Variants in TMEFF1 observed in about 807,000 individuals in gnomAD.
The protein encoded by TMEFF1 is transmembrane protein with EGF like and two follistatin like domains 1, also known as tomoregulin-1.
Under a neutral mutation model 47.5 loss-of-function variants are expected in TMEFF1, and 20 were observed. That is an observed-to-expected ratio of 0.42 (90% CI 0.30 to 0.61). The LOEUF (loss-of-function observed/expected upper bound fraction) is 0.61. Ranked by LOEUF, TMEFF1 falls within the 20% of genes least tolerant of loss-of-function variation. The pLI, the probability that TMEFF1 is intolerant of heterozygous loss-of-function variation, is 0.19. For synonymous variants in TMEFF1, 162 were observed against 166.3 expected (o/e 0.97, Z 0.20); for missense variants, 411 against 471.1 (o/e 0.87, Z 1.18).
intron 1 of TMEFF1, among the ~76,000 whole-genome samples, chr9:100,496,346 C>T (rs989672493): frequency 3.9e-5 from 6 of 152,146 alleles, no homozygotes; most frequent in African/African-American, 1.2e-4. Context: ...TTCAAGTGAT[C>T]CTCCCACCTC....
At chr9:100,537,370 A>G (rs1188582957) in intron 5 of TMEFF1, among the ~76,000 whole-genome samples, 4 of 152,230 alleles carry the variant, frequency 2.6e-5, no homozygotes, top group Admixed American at 2.0e-4. Context: ...GAAAACTTAT[A>G]TTCAATATAA....
At chr9:100,516,402 A>T (rs1413235152) in intron 4 of TMEFF1, among the ~76,000 whole-genome samples, 3 of 152,202 alleles carry the variant, frequency 2.0e-5, no homozygotes, top group Admixed American at 2.0e-4. Flanking sequence ...TTTCTTAAAA[A>T]AGCAATTCAT....
intron 8 of TMEFF1, among the ~76,000 whole-genome samples, chr9:100,565,190 C>G (rs1006555809): frequency 2.6e-5 from 4 of 152,148 alleles, no homozygotes; most frequent in Non-Finnish European, 5.9e-5. Context: ...ATCATTCCCT[C>G]TCTAGCATAT....
intron 5 of TMEFF1, among the ~76,000 whole-genome samples, chr9:100,524,738 A>T (rs181757687): frequency 7.5e-4 from 114 of 152,252 alleles, no homozygotes; most frequent in African/African-American, 2.5e-3. Context: ...GAACTTCATT[A>T]TCTTCATTTA....
chr9:100,491,585 GA>G (rs1837553375), intron 1 of TMEFF1, among the ~76,000 whole-genome samples: 1 of 152,182 alleles, frequency 6.6e-6, no homozygotes, highest in South Asian at 2.1e-4. Flanking sequence ...ATATGGTTGG[GA>G]AAACCAGGTT....
In TMEFF1 at chr9:100,516,683, G is replaced by A; in HGVS notation, c.472G>A (p.Gly158Arg). The A allele has an allele frequency of 1.2e-6, 2 of 1,612,278 alleles. No homozygotes were observed. The highest frequency in any genetic ancestry group is 1.7e-6 in the Non-Finnish European group (2 of 1,179,436). ...GSGSGEGEEE[G>R]SGAEVHRKHS... is the part of the protein sequence containing the mutation. ...TTTTTCTTTTTAAACAGAAGAGGAA[G>A]GGTCAGGGGCAGAAGTTCACAGAAA... The change falls in exon 5 of 10, where the codon GGG becomes AGG. Residue 158 changes from glycine to arginine, a missense_variant. Gly to Arg is a moderately radical substitution (Grantham distance 125). Transcript: ENST00000374879.
chr9:100,496,572 A>C (rs1426629855), intron 1 of TMEFF1, among the ~76,000 whole-genome samples: 1 of 152,192 alleles, frequency 6.6e-6, no homozygotes, highest in Non-Finnish European at 1.5e-5. Context: ...TCACATTAGC[A>C]GGGATGATTA....
chr9:100,533,125 T>C (rs1408211109), intron 5 of TMEFF1, among the ~76,000 whole-genome samples: 2 of 148,592 alleles, frequency 1.3e-5, no homozygotes, highest in Admixed American at 6.7e-5. Flanking sequence ...CATTGGGAGA[T>C]ATACCTAATG....
intron 7 of TMEFF1, 86 bp from the exon 8 acceptor site, chr9:100,561,311 T>A: frequency 6.5e-7 from 1 of 1,539,112 alleles, no homozygotes; most frequent in Non-Finnish European, 8.7e-7. Context: ...GTGGGTGAAT[T>A]CATTTGCTGT....
At chr9:100,563,794 T>TG (rs1839068117) in intron 8 of TMEFF1, among the ~76,000 whole-genome samples, 1 of 152,204 alleles carries the variant, frequency 6.6e-6, no homozygotes, top group African/African-American at 2.4e-5. Flanking sequence ...ACTCAGTAAA[T>TG]ATTTTTTGAA....
intron 2 of TMEFF1, among the ~76,000 whole-genome samples, chr9:100,505,410 CAAAAAAAAAAAAAA>C (rs60312984): frequency 1.5e-4 from 4 of 26,444 alleles, no homozygotes; most frequent in South Asian, 3.4e-3. Context: ...GACCCTGTCT[CAAAAAAAAAAAAAA>C]AAAAAAAAAA....
In TMEFF1 at chr9:100,556,593, A is replaced by T. The variant is rs117889374; in HGVS notation, c.776-4804A>T. Among the ~76,000 whole-genome samples, 5 of 152,294 alleles carry T rather than the reference A, an allele frequency of 3.3e-5. No homozygotes were observed. In the East Asian group the frequency reaches 9.6e-4, roughly 29 times the overall value. Reference sequence around the variant, plus strand: ...TTTCATTCAACATAAAGAAAATCTGATGGTATTAGAATAAACTGTATTATG... The same window carrying T: ...TTTCATTCAACATAAAGAAAATCTGTTGGTATTAGAATAAACTGTATTATG... On this transcript the variant is annotated intron_variant, in intron 7 of 9. Coordinates refer to ENST00000374879, the MANE Select transcript of TMEFF1 (RefSeq NM_003692.5).
chr9:100,483,740 G>A lies in TMEFF1; in HGVS notation c.196+10000G>A, dbSNP rs141344769. 1.8e-3 allele frequency among the ~76,000 whole-genome samples: 280 copies of A among 151,568 alleles called. 2 individuals carry two copies. Among genetic ancestry groups the A allele is most frequent in the African/African-American group, 6.4e-3 (265 of 41,332 alleles). On this transcript the variant is annotated intron_variant, in intron 1 of 9. Coordinates refer to ENST00000374879, the MANE Select transcript of TMEFF1 (RefSeq NM_003692.5). ...TAAGATTTTACCACATTTGCTTTAA[G>A]TCTCTCTTTGTGTATCTACTCTTTC... is the stretch of plus-strand genomic sequence containing the variant.
chr9:100,557,772 T>C (rs1468120563), intron 7 of TMEFF1, among the ~76,000 whole-genome samples: 1 of 152,038 alleles, frequency 6.6e-6, no homozygotes, highest in African/African-American at 2.4e-5. Flanking sequence ...GCTTTTCATG[T>C]GTATATGCTG....
intron 9 of TMEFF1, 64 bp downstream of exon 9, chr9:100,572,740 G>A (rs1839271384): frequency 6.6e-7 from 1 of 1,510,100 alleles, no homozygotes; most frequent in Non-Finnish European, 8.9e-7. Flanking sequence ...ATTTATAGAT[G>A]CTTTGAGGCC....
chr9:100,574,629 G>C (rs1462793973), intron 9 of TMEFF1, among the ~76,000 whole-genome samples: 4 of 151,874 alleles, frequency 2.6e-5, no homozygotes, highest in Non-Finnish European at 4.4e-5. Flanking sequence ...CACCTGCCTC[G>C]GTCTCGCAAA....
chr9:100,541,866 A>G (rs1838639918), intron 5 of TMEFF1, among the ~76,000 whole-genome samples: 2 of 152,098 alleles, frequency 1.3e-5, no homozygotes, highest in African/African-American at 2.4e-5. Flanking sequence ...TAACCATACG[A>G]GGTTTCTTCT....
intron 5 of TMEFF1, among the ~76,000 whole-genome samples, chr9:100,520,417 G>T (rs898678176): frequency 1.3e-5 from 2 of 152,130 alleles, no homozygotes; most frequent in Non-Finnish European, 2.9e-5. Flanking sequence ...TATCTGATTT[G>T]CAAAGAGCAG....
chr9:100,550,668 C>G (rs1838814776), intron 7 of TMEFF1, among the ~76,000 whole-genome samples: 1 of 152,226 alleles, frequency 6.6e-6, no homozygotes, highest in Non-Finnish European at 1.5e-5. Context: ...TCTCTGAACA[C>G]TTAGCCCACT....
Sources: allele counts gnomAD v4.1 joint callset (sites outside exome capture counted in the v4.1 genomes callset), GRCh38; gene constraint gnomAD v4.1.1; transcripts MANE v1.5; gene names NCBI Gene and HGNC (gene_info 2026-07-23, HGNC 2026-07-21).